The following PCSK5 variants were observed in gnomAD, a reference collection of about 807,000 sequenced individuals.
The protein encoded by PCSK5 is proprotein convertase subtilisin/kexin type 5.
PCSK5 carries 129 observed loss-of-function variants against 233.2 expected under a neutral mutation model. The ratio of observed to expected loss-of-function variants is 0.55; its 90% confidence interval spans 0.48 to 0.64. The LOEUF is 0.64. Among genes scored for constraint, PCSK5 ranks in the 30% least tolerant of loss-of-function variants. The probability of loss-of-function intolerance (pLI) is 0.00; values close to 1 mark genes in which losing one functional copy is unlikely to be tolerated. For missense variants in PCSK5, 2,076 were observed against 2,430.1 expected (o/e 0.85, Z 3.06); for synonymous variants, 825 against 879.2 (o/e 0.94, Z 1.09).
intron 20 of PCSK5, among the ~76,000 whole-genome samples, chr9:76,204,847 AC>A (rs1825051478): frequency 6.6e-6 from 1 of 152,162 alleles, no homozygotes; most frequent in Admixed American, 6.6e-5. Flanking sequence ...TTTGACTCCT[AC>A]TTGGGGGCAG....
At chr9:75,905,053 C>T (rs940158129) in intron 1 of PCSK5, among the ~76,000 whole-genome samples, 3 of 152,102 alleles carry the variant, frequency 2.0e-5, no homozygotes, top group Admixed American at 1.3e-4. Flanking sequence ...TCACAAAAGG[C>T]CACATTATTG....
chr9:76,029,718 C>T lies in PCSK5; in HGVS notation c.632+2681C>T, dbSNP rs1188837272. Among the ~76,000 whole-genome samples, 4 of 152,148 alleles carry T rather than the reference C, an allele frequency of 2.6e-5. No individual in the cohort carries two copies. In the East Asian group the frequency reaches 7.7e-4, roughly 29 times the overall value. On this transcript the variant is annotated intron_variant, in intron 5 of 37. Transcript: ENST00000674117. ...CTCTCCTCTTGAGCTCCCAAGGTAA[C>T]TTGGGGCTCCTAGGCCTGTCAGAAA...
At chr9:76,147,861 T>C (rs574610875) in intron 10 of PCSK5, among the ~76,000 whole-genome samples, 1 of 152,266 alleles carries the variant, frequency 6.6e-6, no homozygotes, top group South Asian at 2.1e-4. Context: ...CCCAGCCACA[T>C]CTGTTCTTTT....
chr9:76,334,481 C>G (rs1168652880), intron 34 of PCSK5, among the ~76,000 whole-genome samples: 2 of 152,280 alleles, frequency 1.3e-5, no homozygotes, highest in African/African-American at 2.4e-5. Flanking sequence ...GCCTATAATC[C>G]CAGCACTTTG....
chr9:76,209,576 G>T, intron 20 of PCSK5: 1 of 511,214 alleles, frequency 2.0e-6, no homozygotes, highest in East Asian at 5.6e-5. Flanking sequence ...TTTAACTATC[G>T]TGTCACTGCT....
At chr9:76,012,273 CTA>C (rs1457373664) in intron 3 of PCSK5, among the ~76,000 whole-genome samples, 1 of 152,206 alleles carries the variant, frequency 6.6e-6, no homozygotes, top group African/African-American at 2.4e-5. Flanking sequence ...GATAACTCAA[CTA>C]TGACAAACAC....
Position 76,321,440 on chromosome 9 carries a change from C to T in PCSK5, c.3903C>T (p.Asp1301=), listed in dbSNP as rs369404903. 1.4e-5 allele frequency: 22 copies of T among 1,594,862 alleles called. No homozygotes were observed. Among genetic ancestry groups the T allele is most frequent in the Middle Eastern group, 1.7e-4 (1 of 6,012 alleles). ...TCCACAGGGGCTCTTATGCAGAAGA[C>T]GGCATATGTGAACGCTGTAGCTCTC... ...SKCPEGSYAE[D]GICERCSSPC... Residue 1301 remains aspartate, a synonymous_variant, in exon 31 of 38, where the codon GAC becomes GAT. Coordinates refer to ENST00000674117, the MANE Select transcript of PCSK5 (RefSeq NM_001372043.1).
intron 9 of PCSK5, among the ~76,000 whole-genome samples, chr9:76,109,465 C>T (rs773216190): frequency 6.7e-6 from 1 of 149,856 alleles, no homozygotes; most frequent in Non-Finnish European, 1.5e-5. Context: ...CTTTTAATCA[C>T]GATTTAAGCT....
rs748005659 is a variant in PCSK5, at chr9:76,134,255, AT to A, written c.1312+48del. On this transcript the variant is annotated intron_variant, in intron 10 of 37. Coordinates refer to ENST00000674117, the MANE Select transcript of PCSK5 (RefSeq NM_001372043.1). ...ATTCTGTCACAGGCAAAATATTTTTATTTTTCCCCCATTTTAAATGGAGAGC... is the reference window on the plus strand; with the variant it reads ...ATTCTGTCACAGGCAAAATATTTTTATTTTCCCCCATTTTAAATGGAGAGC... The A allele has an allele frequency of 6.5e-6, 8 of 1,232,318 alleles. No homozygotes were observed. The East Asian group carries it at 1.7e-4, about 26-fold the overall frequency. The allele number at this position is 1,232,318 out of a possible 1,614,324, so 76.3% of individuals were successfully genotyped here.
In PCSK5 at chr9:75,928,638, T is replaced by TATATATATAA. The variant is rs1491404962; in HGVS notation, c.193-3740_193-3739insTATATATAAA. 6.5e-4 allele frequency among the ~76,000 whole-genome samples: 83 copies of TATATATATAA among 128,568 alleles called. 1 individual carries two copies. Among genetic ancestry groups the TATATATATAA allele is most frequent in the African/African-American group, 2.3e-3 (81 of 34,536 alleles). 84.3% of individuals were successfully genotyped at this position (128,568 alleles called of 152,430 possible). On this transcript the variant is annotated intron_variant, in intron 1 of 37. Transcript: ENST00000674117. ...ATATATATATATATATATATATATA[T>TATATATATAA]AATCCTAGAAGGTGATAGATTATTT...
At position 75,989,392 on chromosome 9, in the gene PCSK5, G is replaced by A. The variant is rs528823007; in HGVS notation, c.411+3147G>A. 2.0e-5 allele frequency among the ~76,000 whole-genome samples: 3 copies of A among 152,246 alleles called. No individual in the cohort carries two copies. The South Asian group carries it at 6.2e-4, about 32-fold the overall frequency. ...TCCTGTGGTCCCAGCTACTTGGGAG[G>A]CTGAGGTGGGAAGATGGCTTGAGCC... On this transcript the variant is annotated intron_variant, in intron 3 of 37. Coordinates refer to ENST00000674117, the MANE Select transcript of PCSK5 (RefSeq NM_001372043.1).
At chr9:76,102,394 C>A (rs1020069843) in intron 8 of PCSK5, among the ~76,000 whole-genome samples, 2 of 152,154 alleles carry the variant, frequency 1.3e-5, no homozygotes, top group African/African-American at 4.8e-5. Context: ...TCATTCATTG[C>A]AAGCTGCTCA....
At chr9:76,142,831 T>G (rs957719392) in intron 10 of PCSK5, among the ~76,000 whole-genome samples, 3 of 152,318 alleles carry the variant, frequency 2.0e-5, no homozygotes, top group South Asian at 4.1e-4. Context: ...ACTTCTTTTC[T>G]CTTCTTTGTA....
intron 10 of PCSK5, among the ~76,000 whole-genome samples, chr9:76,150,383 CAA>C (rs1258715463): frequency 6.6e-6 from 1 of 152,140 alleles, no homozygotes; most frequent in Non-Finnish European, 1.5e-5. Context: ...CCTGTAATCC[CAA>C]AAGTTTGGGA....
At chr9:76,034,067 A>G (rs1195566630) in intron 5 of PCSK5, among the ~76,000 whole-genome samples, 1 of 152,204 alleles carries the variant, frequency 6.6e-6, no homozygotes, top group Non-Finnish European at 1.5e-5. Flanking sequence ...AGTAAGTAAC[A>G]TCTTTGATCA....
intron 2 of PCSK5, among the ~76,000 whole-genome samples, chr9:75,958,722 GC>G (rs1825204527): frequency 1.3e-5 from 2 of 152,296 alleles, no homozygotes; most frequent in South Asian, 2.1e-4. Context: ...GAACATTTGG[GC>G]AAACGATTTA....
intron 7 of PCSK5, among the ~76,000 whole-genome samples, chr9:76,076,211 AT>A (rs1174936243): frequency 1.3e-5 from 2 of 152,112 alleles, no homozygotes; most frequent in Admixed American, 6.5e-5. Context: ...CACAATACTA[AT>A]GTAGGTGCTG....
chr9:76,325,933 G>C (rs932431517), intron 32 of PCSK5, among the ~76,000 whole-genome samples: 3 of 150,836 alleles, frequency 2.0e-5, no homozygotes, highest in Admixed American at 6.6e-5. Context: ...CACCATGCCC[G>C]GCCGCCATTG....
chr9:76,207,139 TTGTGATTATATTGGTGCCACCCTGA>T (rs2131279271), intron 20 of PCSK5, among the ~76,000 whole-genome samples: 1 of 152,312 alleles, frequency 6.6e-6, no homozygotes, highest in East Asian at 1.9e-4. Context: ...CTAAGAACAC[TTGTGATTATATTGGTGCCACCCTGA>T]TAATCCAGGA....
Sources: allele counts gnomAD v4.1 joint callset (sites outside exome capture counted in the v4.1 genomes callset), GRCh38; gene constraint gnomAD v4.1.1; transcripts MANE v1.5; gene names NCBI Gene and HGNC (gene_info 2026-07-23, HGNC 2026-07-21).